The following C4orf50 variants were observed in gnomAD, a reference collection of about 807,000 sequenced individuals.
The protein encoded by C4orf50 is chromosome 4 open reading frame 50, also known as uncharacterized protein C4orf50.
A neutral mutation model predicts 77.2 loss-of-function variants in C4orf50; 80 were observed. That is an observed-to-expected ratio of 1.04 (90% CI 0.87 to 1.25). C4orf50 has a LOEUF of 1.25. Among genes scored for constraint, C4orf50 ranks in the 50% most tolerant of loss-of-function variants. The pLI is 0.00. For missense variants in C4orf50, 1,257 were observed against 1,152.9 expected (o/e 1.09, Z -1.31); for synonymous variants, 532 against 465.3 (o/e 1.14, Z -1.84).
In C4orf50 at chr4:6,008,280, C is replaced by T; in HGVS notation, c.679G>A (p.Ala227Thr). The change falls in exon 25 of 34, where the codon GCC becomes ACC. Residue 227 changes from alanine (A) to threonine (T), a missense_variant. Transcript: ENST00000531445. This position sits in a 1 kb window ranked among gnomAD's most constrained non-coding sequence, Gnocchi z 6.0. Reference sequence around the variant, plus strand: ...TCGGTGGCGCCCTGGGAGCCTGGGGCCGCGGTGTCCCACTGGGCCAGCAGG... The same window carrying T: ...TCGGTGGCGCCCTGGGAGCCTGGGGTCGCGGTGTCCCACTGGGCCAGCAGG... The T allele has an allele frequency of 2.6e-6, 1 of 391,480 alleles. No homozygotes were observed. Among genetic ancestry groups the T allele is most frequent in the Non-Finnish European group, 4.5e-6 (1 of 221,538 alleles). 24.3% of individuals were successfully genotyped at this position (391,480 alleles called of 1,614,324 possible). A position where few individuals can be genotyped will look rare whatever the true frequency, so the allele number is the denominator to read the frequency against.
rs372240352 is a variant in C4orf50 at position 5,900,633 on chromosome 4, C to G, written c.*2475-2445G>C. ...AAAATTCTGAATCAGCAGAGCCTGCCCCATGGCACGGTTGGAGAATACTGC... is the reference window on the plus strand; with the variant it reads ...AAAATTCTGAATCAGCAGAGCCTGCGCCATGGCACGGTTGGAGAATACTGC... On this transcript the variant is annotated intron_variant, in intron 7 of 7. Coordinates refer to the C4orf50 transcript ENST00000324058. This position sits in a 1 kb window ranked among gnomAD's most constrained non-coding sequence, Gnocchi z 4.3. 5 of 152,234 alleles carry G rather than the reference C, an allele frequency of 3.3e-5. No individual in the cohort carries two copies. In the East Asian group the frequency reaches 9.6e-4, roughly 29 times the overall value. 9.4% of individuals were successfully genotyped at this position (152,234 alleles called of 1,614,324 possible).
At chr4:5,938,795 C>T (rs376510575) in intron 7 of C4orf50, among the ~76,000 whole-genome samples, 1 of 149,764 alleles carries the variant, frequency 6.7e-6, no homozygotes, top group East Asian at 2.0e-4. Flanking sequence ...TTTTTCTTTT[C>T]TTTTTTTTTT....
At chr4:5,921,346 CG>C in intron 7 of C4orf50, among the ~76,000 whole-genome samples, 1 of 152,294 alleles carries the variant, frequency 6.6e-6, no homozygotes, top group Middle Eastern at 3.4e-3. Context: ...CCCAGTCAGG[CG>C]GTGGGCTGGG....
At chr4:5,935,288 G>T (rs909033223) in intron 7 of C4orf50, among the ~76,000 whole-genome samples, 1 of 152,212 alleles carries the variant, frequency 6.6e-6, no homozygotes, top group Non-Finnish European at 1.5e-5. Context: ...CTGAGCCAAG[G>T]TCCTTGGAGG....
chr4:6,013,649 C>T (rs2108813994), intron 23 of C4orf50, among the ~76,000 whole-genome samples: 1 of 152,148 alleles, frequency 6.6e-6, no homozygotes, highest in Admixed American at 6.5e-5. Flanking sequence ...TCACAAGTGT[C>T]CTTGAGAGAG....
In C4orf50 at chr4:6,015,265, C is replaced by T. The variant is rs768088461; in HGVS notation, c.287+2880G>A. On this transcript the variant is annotated intron_variant, in intron 23 of 33. Transcript: ENST00000531445. This position sits in a 1 kb window ranked among gnomAD's most constrained non-coding sequence, Gnocchi z 4.4. ...AATTAAGTTGAAAGAAAGTCATGAG[C>T]GTGGGCCCAGATCCAATCCGACTGG... Among the ~76,000 whole-genome samples the T allele has an allele frequency of 4.6e-5, 7 of 152,154 alleles. No individual in the cohort carries two copies. The highest frequency in any genetic ancestry group is 1.3e-4 in the Admixed American group (2 of 15,272).
intron 7 of C4orf50, among the ~76,000 whole-genome samples, chr4:5,933,268 C>T (rs1041252739): frequency 9.2e-5 from 14 of 152,208 alleles, no homozygotes; most frequent in African/African-American, 2.7e-4. Context: ...GGAACACAAG[C>T]GCAATGTTTG....
Position 5,935,746 on chromosome 4 carries a change from A to G in C4orf50, c.*2474+21155T>C, listed in dbSNP as rs150540263. Among the ~76,000 whole-genome samples the G allele has an allele frequency of 8.6e-3, 1,195 of 138,854 alleles. 3 individuals carry two copies. Among genetic ancestry groups the G allele is most frequent in the Non-Finnish European group, 0.012 (819 of 65,718 alleles). The allele number at this position is 138,854 out of a possible 152,430, so 91.1% of individuals were successfully genotyped here. A position where few individuals can be genotyped will look rare whatever the true frequency, so the allele number is the denominator to read the frequency against. ...GGCTGCAGTGAGCCGAGATTGCGCC[A>G]TTGCACTCCAGGCTGGGCGACAGAG... is the stretch of plus-strand genomic sequence containing the variant. On this transcript the variant is annotated intron_variant, in intron 7 of 7. Transcript: ENST00000324058.
At chr4:5,914,440 G>A (rs1401722006) in intron 7 of C4orf50, among the ~76,000 whole-genome samples, 10 of 152,054 alleles carry the variant, frequency 6.6e-5, no homozygotes, top group Admixed American at 1.3e-4. Context: ...TCCTGACCTT[G>A]TGGTCCACCC....
rs768154785 is a variant in C4orf50, at chr4:5,932,240, C to T, written c.*2474+24661G>A. 6.6e-6 allele frequency among the ~76,000 whole-genome samples: 1 copy of T among 151,542 alleles called. No individual in the cohort carries two copies. Among genetic ancestry groups the T allele is most frequent in the Non-Finnish European group, 1.5e-5 (1 of 67,908 alleles). On this transcript the variant is annotated intron_variant, in intron 7 of 7. Coordinates refer to the C4orf50 transcript ENST00000324058. The surrounding 1 kb of genome is among the most constrained non-coding windows in gnomAD (Gnocchi z 4.2). ...AATGCCCCACAGAGCAGAAGCGTGT[C>T]GCATTTCTACTCTGGCACACTCTTT...
At chr4:5,934,135 C>T (rs1156523093) in intron 7 of C4orf50, among the ~76,000 whole-genome samples, 1 of 152,124 alleles carries the variant, frequency 6.6e-6, no homozygotes, top group Non-Finnish European at 1.5e-5. Context: ...GCACCTCGGT[C>T]TCCTCATCTG....
At chr4:5,986,405 G>T (rs1720860990) in intron 28 of C4orf50, among the ~76,000 whole-genome samples, 1 of 152,150 alleles carries the variant, frequency 6.6e-6, no homozygotes, top group Non-Finnish European at 1.5e-5. Flanking sequence ...ATAACCCAAT[G>T]GGTCAAAGAA....
At chr4:5,982,570 T>C (rs1176530695) in intron 28 of C4orf50, among the ~76,000 whole-genome samples, 2 of 151,732 alleles carry the variant, frequency 1.3e-5, no homozygotes, top group Non-Finnish European at 2.9e-5. Context: ...CATCATCCAG[T>C]TGGGGGGTGG....
chr4:5,935,144 G>A (rs901490901), intron 7 of C4orf50, among the ~76,000 whole-genome samples: 2 of 152,212 alleles, frequency 1.3e-5, no homozygotes, highest in African/African-American at 4.8e-5. Flanking sequence ...TACAGGAGGA[G>A]CAGTTCTCAC....
chr4:5,924,932 G>A (rs1717446348), intron 7 of C4orf50, among the ~76,000 whole-genome samples: 1 of 152,144 alleles, frequency 6.6e-6, no homozygotes, highest in Admixed American at 6.5e-5. Context: ...TGGAACCCTG[G>A]GAAGGAGCAC....
chr4:5,904,181 G>C (rs1297930717), intron 7 of C4orf50: 1 of 152,254 alleles, frequency 6.6e-6, no homozygotes, highest in East Asian at 1.9e-4. Flanking sequence ...ATCTTCCTGG[G>C]CGATGCTGAG....
At chr4:5,989,809 G>A in exon 28 of C4orf50, 2 of 1,504,568 alleles carry the variant, frequency 1.3e-6, no homozygotes, top group Non-Finnish European at 1.8e-6. Context: ...AGGCTCCTCG[G>A]GGGCACCCCT....
At chr4:5,960,344 G>A (rs1311647091) in intron 33 of C4orf50, among the ~76,000 whole-genome samples, 1 of 152,204 alleles carries the variant, frequency 6.6e-6, no homozygotes, top group Admixed American at 6.5e-5. Context: ...CAGGTAACAT[G>A]TGAGTCCTGC....
downstream of C4orf50, among the ~76,000 whole-genome samples, chr4:5,955,118 G>A (rs1718894871): frequency 6.6e-6 from 1 of 152,078 alleles, no homozygotes; most frequent in African/African-American, 2.4e-5. The surrounding 1 kb of genome is among the most constrained non-coding windows in gnomAD (Gnocchi z 5.1). Flanking sequence ...TGCACCTTAA[G>A]TGATTTGTTT....
Sources: allele counts gnomAD v4.1 joint callset (sites outside exome capture counted in the v4.1 genomes callset), GRCh38; gene constraint gnomAD v4.1.1; non-coding constraint Gnocchi (gnomAD v3.1); transcripts MANE v1.5; gene names NCBI Gene and HGNC (gene_info 2026-07-23, HGNC 2026-07-21).